SEL1L: variants seen among roughly 807,000 people sequenced by gnomAD.
The protein encoded by SEL1L is protein sel-1 homolog 1.
Under a neutral mutation model 109.8 loss-of-function variants are expected in SEL1L, and 52 were observed. The ratio of observed to expected loss-of-function variants is 0.47; its 90% CI spans 0.38 to 0.60. SEL1L has a LOEUF of 0.60. Ranked by LOEUF, SEL1L falls within the 20% of genes least tolerant of loss-of-function variation. The pLI, the probability that SEL1L is intolerant of heterozygous loss-of-function variation, is 0.00. For missense variants in SEL1L, 749 were observed against 962.2 expected (o/e 0.78, Z 2.93); for synonymous variants, 373 against 339.6 (o/e 1.10, Z -1.08).
chr14:81,501,313 GGA>G (rs1196294071), intron 6 of SEL1L, among the ~76,000 whole-genome samples: 1 of 152,138 alleles, frequency 6.6e-6, no homozygotes, highest in Non-Finnish European at 1.5e-5. Flanking sequence ...TAATTTTCAT[GGA>G]GAGGGTGCTT....
Position 81,484,224 on chromosome 14 carries a change from C to A in SEL1L, c.2046+1G>T. On this transcript the variant is annotated splice_donor_variant, in intron 19 of 20. Coordinates refer to ENST00000336735, the MANE Select transcript of SEL1L (RefSeq NM_005065.6). LOFTEE classifies it high-confidence loss of function. Reference sequence around the variant, plus strand: ...CAAACGTGTTTGGAAGCCACACTCACCTGTTTAATGCCCAGTCCTTTCTCA... The same window carrying A: ...CAAACGTGTTTGGAAGCCACACTCAACTGTTTAATGCCCAGTCCTTTCTCA... The A allele has an allele frequency of 6.2e-7, 1 of 1,603,346 alleles. No homozygotes were observed. Among genetic ancestry groups the A allele is most frequent in the Non-Finnish European group, 8.5e-7 (1 of 1,171,478 alleles).
chr14:81,478,765 T>C (rs1018864110), intron 20 of SEL1L, among the ~76,000 whole-genome samples: 3 of 152,198 alleles, frequency 2.0e-5, no homozygotes, highest in Admixed American at 6.5e-5. Context: ...GTCCATTTCT[T>C]TTCACTGATG....
chr14:81,500,527 C>T (rs1273092411), intron 6 of SEL1L, among the ~76,000 whole-genome samples: 3 of 152,162 alleles, frequency 2.0e-5, no homozygotes, highest in Non-Finnish European at 4.4e-5. Flanking sequence ...TGAGCCACCA[C>T]GCCCAGCCAA....
chr14:81,526,314 A>G (rs1273854283), intron 3 of SEL1L, among the ~76,000 whole-genome samples: 1 of 152,202 alleles, frequency 6.6e-6, no homozygotes. Context: ...ATTACCTAGG[A>G]TGATCGACAA....
chr14:81,510,510 C>T (rs201517122), intron 3 of SEL1L, among the ~76,000 whole-genome samples: 1 of 108,350 alleles, frequency 9.2e-6, no homozygotes, highest in African/African-American at 3.6e-5. Context: ...CTCTCTCTCT[C>T]TCTCTATATA....
Position 81,504,273 on chromosome 14 carries a change from T to C in SEL1L, c.542A>G (p.Gln181Arg), listed in dbSNP as rs377164797. The C allele has an allele frequency of 2.2e-5, 35 of 1,599,910 alleles. No individual in the cohort carries two copies. Among genetic ancestry groups the C allele is most frequent in the Non-Finnish European group, 2.6e-5 (31 of 1,173,594 alleles). ...AGTTTGATACATCATTTCTGCTTCC[T>C]GCATCTGCCGTCTCTTAGCAGCCTC... Reference protein sequence around the residue: ...EEEAAKRRQMQEAEMMYQTGM... With the variant: ...EEEAAKRRQMREAEMMYQTGM... Residue 181 changes from glutamine to arginine, a missense_variant, in exon 5 of 21, where the codon CAG becomes CGG. Gln to Arg is a conservative substitution (Grantham distance 43). Coordinates refer to ENST00000336735, the MANE Select transcript of SEL1L (RefSeq NM_005065.6).
chr14:81,510,522 A>C (rs1040166245), intron 3 of SEL1L, among the ~76,000 whole-genome samples: 53 of 143,438 alleles, frequency 3.7e-4, no homozygotes, highest in East Asian at 2.1e-3. Context: ...CTCTATATAT[A>C]TATATATAGA....
chr14:81,511,453 A>C (rs1305277763), intron 3 of SEL1L, among the ~76,000 whole-genome samples: 2 of 152,222 alleles, frequency 1.3e-5, no homozygotes. Context: ...GGGTTTCTCT[A>C]AACAACGGCT....
At chr14:81,503,946 AACT>A (rs1157768846) in intron 5 of SEL1L, among the ~76,000 whole-genome samples, 1 of 152,100 alleles carries the variant, frequency 6.6e-6, no homozygotes, top group Non-Finnish European at 1.5e-5. Flanking sequence ...GGTTCTTAGA[AACT>A]ACTACAACTT....
chr14:81,512,732 C>T (rs1884537262), intron 3 of SEL1L, among the ~76,000 whole-genome samples: 1 of 152,208 alleles, frequency 6.6e-6, no homozygotes, highest in Admixed American at 6.5e-5. Context: ...TTTTTATTTA[C>T]AACAAAACCT....
rs1903130534 is a variant in SEL1L at position 81,475,531 on chromosome 14, G to T, written c.*1441C>A. 6.6e-6 allele frequency: 1 copy of T among 152,140 alleles called. No homozygotes were observed. The highest frequency in any genetic ancestry group is 6.6e-5 in the Admixed American group (1 of 15,260). The allele number at this position is 152,140 out of a possible 1,614,324, so 9.4% of individuals were successfully genotyped here. ...GCAGATGAGGGATTCTGGGAAAAAAGCATGAAGGTTAGTATAAACATACTG... is the reference window on the plus strand; with the variant it reads ...GCAGATGAGGGATTCTGGGAAAAAATCATGAAGGTTAGTATAAACATACTG... On this transcript the variant is annotated 3_prime_UTR_variant, in exon 21 of 21. Coordinates refer to ENST00000336735, the MANE Select transcript of SEL1L (RefSeq NM_005065.6).
chr14:81,481,317 A>G (rs1361494564), intron 19 of SEL1L, among the ~76,000 whole-genome samples: 1 of 152,222 alleles, frequency 6.6e-6, no homozygotes, highest in African/African-American at 2.4e-5. Flanking sequence ...AAGACCAAAA[A>G]TGACTCCCCC....
At chr14:81,518,957 A>G (rs1884810627) in intron 3 of SEL1L, among the ~76,000 whole-genome samples, 1 of 152,192 alleles carries the variant, frequency 6.6e-6, no homozygotes, top group African/African-American at 2.4e-5. Context: ...CTGGCTTCCA[A>G]GGTTGGCCCT....
chr14:81,491,891 G>C (rs1883550781), intron 12 of SEL1L, among the ~76,000 whole-genome samples: 1 of 152,128 alleles, frequency 6.6e-6, no homozygotes, highest in African/African-American at 2.4e-5. Flanking sequence ...GAAGGAAACA[G>C]ACAACTGTGA....
In SEL1L at chr14:81,526,875, A is replaced by G; in HGVS notation, c.198T>C (p.Ser66=). 6.3e-7 allele frequency: 1 copy of G among 1,599,652 alleles called. No individual in the cohort carries two copies. Among genetic ancestry groups the G allele is most frequent in the Non-Finnish European group, 8.5e-7 (1 of 1,174,764 alleles). ...CTTCTTGAATAGAGGATTCTAATTC[A>G]GATTCTTCTGAATCAAGAAATATTT... ...AGQIFLDSEE[S]ELESSIQEEE... is the part of the protein sequence containing the mutation. The change falls in exon 3 of 21, where the codon TCT becomes TCC. Residue 66 remains serine, a synonymous_variant. Transcript: ENST00000336735.
chr14:81,478,224 T>G (rs1192148729), intron 20 of SEL1L, among the ~76,000 whole-genome samples: 1 of 152,116 alleles, frequency 6.6e-6, no homozygotes, highest in Non-Finnish European at 1.5e-5. Flanking sequence ...GCTAAATTTT[T>G]CTGGAAAAAA....
At chr14:81,490,537 T>A in intron 12 of SEL1L, 72 bp from the exon 13 acceptor site, 1 of 1,141,762 alleles carries the variant, frequency 8.8e-7, no homozygotes, top group South Asian at 1.3e-5. Context: ...CTTTCTCATC[T>A]CCTTTGAGTT....
chr14:81,489,390 T>C lies in SEL1L; in HGVS notation c.1333-76A>G, dbSNP rs1385834220. 1.0e-5 allele frequency: 12 copies of C among 1,180,670 alleles called. No individual in the cohort carries two copies. The Admixed American group carries it at 2.1e-4, about 20-fold the overall frequency. The allele number at this position is 1,180,670 out of a possible 1,614,324, so 73.1% of individuals were successfully genotyped here. A position where few individuals can be genotyped will look rare whatever the true frequency, so the allele number is the denominator to read the frequency against. On this transcript the variant is annotated intron_variant, in intron 13 of 20. Coordinates refer to ENST00000336735, the MANE Select transcript of SEL1L (RefSeq NM_005065.6). ...TAGGCAAGAATAAATAACTGCAAAA[T>C]AAATCATTTATAAGCATATTCAAAA...
At position 81,476,896 on chromosome 14, in the gene SEL1L, G is replaced by A; in HGVS notation, c.*76C>T. On this transcript the variant is annotated 3_prime_UTR_variant, in exon 21 of 21. Transcript: ENST00000336735. ...TCTGGGAGGTGACCACTGATCCAAG[G>A]TCCTAAATCAAATGCAAGTGTTCCC... The A allele has an allele frequency of 6.8e-7, 1 of 1,468,322 alleles. No individual in the cohort carries two copies. The highest frequency in any genetic ancestry group is 1.4e-5 in the African/African-American group (1 of 72,272). The allele number at this position is 1,468,322 out of a possible 1,614,324, so 91.0% of individuals were successfully genotyped here. A position where few individuals can be genotyped will look rare whatever the true frequency, so the allele number is the denominator to read the frequency against.
Sources: allele counts gnomAD v4.1 joint callset (sites outside exome capture counted in the v4.1 genomes callset), GRCh38; gene constraint gnomAD v4.1.1; transcripts MANE v1.5; gene names NCBI Gene and HGNC (gene_info 2026-07-23, HGNC 2026-07-21).